Variants in KLHL3 observed in about 807,000 individuals in gnomAD.
The protein encoded by KLHL3 is kelch like family member 3.
In KLHL3, 19 loss-of-function variants were observed where a neutral mutation model predicts 70.5. The ratio of observed to expected loss-of-function variants is 0.27; its 90% CI spans 0.19 to 0.40. The LOEUF is 0.40. Among genes scored for constraint, KLHL3 ranks in the 10% least tolerant of loss-of-function variants. KLHL3 has a pLI of 1.00. For synonymous variants in KLHL3, 258 were observed against 290.3 expected (o/e 0.89, Z 1.13); for missense variants, 512 against 771.1 (o/e 0.66, Z 3.98).
chr5:137,709,478 T>A (rs1352629892), intron 3 of KLHL3, among the ~76,000 whole-genome samples: 1 of 152,198 alleles, frequency 6.6e-6, no homozygotes, highest in Admixed American at 6.5e-5. Flanking sequence ...CTCCCCCACA[T>A]GATTATGGTG....
chr5:137,676,932 G>A (rs559515421), intron 6 of KLHL3, among the ~76,000 whole-genome samples: 1 of 152,276 alleles, frequency 6.6e-6, no homozygotes, highest in Non-Finnish European at 1.5e-5. Flanking sequence ...CTTCACAGGG[G>A]TATGGTAGAG....
intron 6 of KLHL3, among the ~76,000 whole-genome samples, chr5:137,668,546 T>A (rs898039189): frequency 2.0e-5 from 3 of 152,202 alleles, no homozygotes; most frequent in African/African-American, 7.2e-5. Context: ...TCCCAGGGAT[T>A]GAGGCAATAC....
intron 7 of KLHL3, among the ~76,000 whole-genome samples, chr5:137,659,190 G>A (rs1751414426): frequency 7.2e-5 from 11 of 152,184 alleles, no homozygotes; most frequent in Admixed American, 7.2e-4. Context: ...TCCTGGTTGG[G>A]CAGCCCTGTG....
intron 8 of KLHL3, among the ~76,000 whole-genome samples, chr5:137,640,786 C>A (rs1159408315): frequency 5.9e-5 from 9 of 152,198 alleles, no homozygotes. Flanking sequence ...CAGCTTGCTG[C>A]ATCTATGTTT....
intron 8 of KLHL3, among the ~76,000 whole-genome samples, chr5:137,656,896 T>A (rs1468693200): frequency 1.3e-5 from 2 of 152,260 alleles, no homozygotes; most frequent in African/African-American, 4.8e-5. Flanking sequence ...GCAAGTAAAT[T>A]AACTTCTCTG....
At chr5:137,704,968 A>T (rs1404212595) in intron 3 of KLHL3, among the ~76,000 whole-genome samples, 1 of 152,144 alleles carries the variant, frequency 6.6e-6, no homozygotes, top group Non-Finnish European at 1.5e-5. Flanking sequence ...AGGTGAAGCC[A>T]TTGCTCCTTC....
Position 137,714,098 on chromosome 5 carries a change from T to C in KLHL3, c.135-4242A>G, listed in dbSNP as rs1323852346. ...AGAGCTCATGAAAAGATGCTCGACA[T>C]CATTAACAATCAGAGAAATGCAAAT... On this transcript the variant is annotated intron_variant, in intron 2 of 14. Transcript: ENST00000309755. 2.8e-5 allele frequency among the ~76,000 whole-genome samples: 4 copies of C among 140,776 alleles called. No homozygotes were observed. The Admixed American group carries it at 3.1e-4, about 11-fold the overall frequency. The allele number at this position is 140,776 out of a possible 152,430, so 92.4% of individuals were successfully genotyped here.
chr5:137,654,335 G>A (rs1751287259), intron 8 of KLHL3, among the ~76,000 whole-genome samples: 1 of 152,196 alleles, frequency 6.6e-6, no homozygotes, highest in Non-Finnish European at 1.5e-5. Flanking sequence ...GCAGTTCGGT[G>A]TAAAAGGAAA....
rs775657468 is a variant in KLHL3 at position 137,709,917 on chromosome 5, C to A, written c.135-61G>T. ...AGCAAGGACACCTACCCTCATCTTA[C>A]AAGGGTATTTTTTTCTCCCACCCAG... On this transcript the variant is annotated intron_variant, in intron 2 of 14. Coordinates refer to ENST00000309755, the MANE Select transcript of KLHL3 (RefSeq NM_017415.3). The A allele has an allele frequency of 5.3e-6, 7 of 1,331,006 alleles. No homozygotes were observed. In the East Asian group the frequency reaches 1.4e-4, roughly 26 times the overall value. 82.4% of individuals were successfully genotyped at this position (1,331,006 alleles called of 1,614,324 possible). A position where few individuals can be genotyped will look rare whatever the true frequency, so the allele number is the denominator to read the frequency against.
rs751943019 is a variant in KLHL3, at chr5:137,640,000, T to C, written c.904-23A>G. On this transcript the variant is annotated intron_variant, in intron 8 of 14. Coordinates refer to ENST00000309755, the MANE Select transcript of KLHL3 (RefSeq NM_017415.3). The surrounding 1 kb of genome is among the most constrained non-coding windows in gnomAD (Gnocchi z 5.0). Reference sequence around the variant, plus strand: ...GACCTCCGGAGAGACAAGTGGACGTTAGCGGGGTCACCCCAAAATCTGGAT... The same window carrying C: ...GACCTCCGGAGAGACAAGTGGACGTCAGCGGGGTCACCCCAAAATCTGGAT... 3.1e-6 allele frequency: 5 copies of C among 1,599,288 alleles called. No individual in the cohort carries two copies. The highest frequency in any genetic ancestry group is 4.3e-6 in the Non-Finnish European group (5 of 1,166,604).
At position 137,618,414 on chromosome 5, in the gene KLHL3, T is replaced by A. The variant is rs1383112804; in HGVS notation, c.*3684A>T. The A allele has an allele frequency of 6.6e-6, 1 of 152,074 alleles. No individual in the cohort carries two copies. The highest frequency in any genetic ancestry group is 6.5e-5 in the Admixed American group (1 of 15,270). The allele number at this position is 152,074 out of a possible 1,614,324, so 9.4% of individuals were successfully genotyped here. On this transcript the variant is annotated 3_prime_UTR_variant, in exon 15 of 15. Transcript: ENST00000309755. ...CAAAACAGAGCCTGGAGTAGAGACA[T>A]AGCTCAAGAAGCAAGTTGTAAGTGT...
At chr5:137,728,628 T>C (rs1753122742) in intron 1 of KLHL3, among the ~76,000 whole-genome samples, 1 of 152,152 alleles carries the variant, frequency 6.6e-6, no homozygotes, top group African/African-American at 2.4e-5. Flanking sequence ...TCTTAGACTC[T>C]TTCTATTGCT....
rs1234680572 is a variant in KLHL3, at chr5:137,639,669, G to A, written c.1021+191C>T. 6.6e-6 allele frequency among the ~76,000 whole-genome samples: 1 copy of A among 151,254 alleles called. No individual in the cohort carries two copies. Among genetic ancestry groups the A allele is most frequent in the Non-Finnish European group, 1.5e-5 (1 of 67,946 alleles). On this transcript the variant is annotated intron_variant, in intron 9 of 14. Transcript: ENST00000309755. This position sits in a 1 kb window ranked among gnomAD's most constrained non-coding sequence, Gnocchi z 5.0. ...AGATCATGACACTGCACTCCAACCT[G>A]GGTGACAGAGAAAGACTCTGTCTTA...
intron 1 of KLHL3, among the ~76,000 whole-genome samples, chr5:137,729,047 T>C (rs1381265002): frequency 1.3e-5 from 2 of 150,976 alleles, no homozygotes; most frequent in East Asian, 3.9e-4. Flanking sequence ...TGCGAGAATG[T>C]AGAGGGAAGG....
At chr5:137,655,042 ACAAAAAAG>A in intron 8 of KLHL3, among the ~76,000 whole-genome samples, 1 of 152,210 alleles carries the variant, frequency 6.6e-6, no homozygotes, top group Non-Finnish European at 1.5e-5. Context: ...TGGTTTCTAC[ACAAAAAAG>A]CTGGGCCAGT....
At chr5:137,695,583 A>G (rs1330101423) in intron 4 of KLHL3, among the ~76,000 whole-genome samples, 1 of 152,178 alleles carries the variant, frequency 6.6e-6, no homozygotes, top group East Asian at 1.9e-4. Context: ...GCCCCATCCA[A>G]TGGGGTTCTG....
intron 12 of KLHL3, among the ~76,000 whole-genome samples, chr5:137,633,483 A>G (rs1293781238): frequency 6.6e-6 from 1 of 152,146 alleles, no homozygotes; most frequent in African/African-American, 2.4e-5. Flanking sequence ...GCAAAGGAAA[A>G]GAAATCATTA....
chr5:137,707,369 G>A (rs1321226469), intron 3 of KLHL3, among the ~76,000 whole-genome samples: 1 of 152,128 alleles, frequency 6.6e-6, no homozygotes, highest in South Asian at 2.1e-4. Context: ...GGAGGCGAAG[G>A]TGGCAGTGAG....
intron 8 of KLHL3, among the ~76,000 whole-genome samples, chr5:137,642,085 C>A (rs759543757): frequency 2.0e-5 from 3 of 152,228 alleles, no homozygotes; most frequent in Non-Finnish European, 4.4e-5. Context: ...GCCTAACCTA[C>A]TCTTCAAGGG....
Sources: allele counts gnomAD v4.1 joint callset (sites outside exome capture counted in the v4.1 genomes callset), GRCh38; gene constraint gnomAD v4.1.1; non-coding constraint Gnocchi (gnomAD v3.1); transcripts MANE v1.5; gene names NCBI Gene and HGNC (gene_info 2026-07-23, HGNC 2026-07-21).